Variants in ENPP3 observed in about 807,000 individuals in gnomAD.
ENPP3 encodes ectonucleotide pyrophosphatase/phosphodiesterase family member 3.
ENPP3 carries 104 observed loss-of-function variants against 117.8 expected under a neutral mutation model. That is an observed-to-expected ratio of 0.88 (90% CI 0.75 to 1.04). The LOEUF (loss-of-function observed/expected upper bound fraction) is 1.04. Ranked by LOEUF, ENPP3 falls within the 50% of genes least tolerant of loss-of-function variation. The probability of loss-of-function intolerance (pLI) is 0.00; values close to 1 mark genes in which losing one functional copy is unlikely to be tolerated. For missense variants in ENPP3, 1,026 were observed against 1,051.9 expected, an observed-to-expected ratio of 0.98 and a Z score of 0.34; for synonymous variants, 380 against 349.9, an observed-to-expected ratio of 1.09 and a Z score of -0.96.
At chr6:131,637,509 T>C in intron 1 of ENPP3, 47 bp downstream of exon 1, 1 of 1,105,712 alleles carries the variant, frequency 9.0e-7, no homozygotes, top group South Asian at 1.5e-5. Context: ...GTGACAAATG[T>C]TAAAAGTATA....
Position 131,722,316 on chromosome 6 carries a change from G to A in ENPP3, c.1657G>A (p.Ala553Thr). 1 of 1,613,988 alleles carries A rather than the reference G, an allele frequency of 6.2e-7. No individual in the cohort carries two copies. The highest frequency in any genetic ancestry group is 8.5e-7 in the Non-Finnish European group (1 of 1,179,896). ...LKVPFYEPSH[A>T]EEVSKFSVCG... The stretch of plus-strand genomic sequence containing the variant: ...GGTGCCTTTTTATGAGCCATCCCAT[G>A]CAGAGGAGGTGTCAAAGTTTTCTGT... Residue 553 changes from alanine to threonine, a missense_variant, in exon 18 of 25, where the codon GCA becomes ACA. Ala to Thr is a moderately conservative substitution (Grantham distance 58). Transcript: ENST00000357639.
At chr6:131,711,996 A>AT (rs1779800910) in intron 15 of ENPP3, among the ~76,000 whole-genome samples, 2 of 131,016 alleles carry the variant, frequency 1.5e-5, no homozygotes, top group South Asian at 4.6e-4. Flanking sequence ...CAATGCTATG[A>AT]TTTTTGCTTG....
At chr6:131,640,852 T>C (rs1778025468) in intron 1 of ENPP3, among the ~76,000 whole-genome samples, 1 of 152,208 alleles carries the variant, frequency 6.6e-6, no homozygotes. Flanking sequence ...AAGGGCTTTG[T>C]CAGCAGAGCG....
Position 131,685,593 on chromosome 6 carries a change from C to T in ENPP3, c.1252+98C>T, listed in dbSNP as rs1014578364. On this transcript the variant is annotated intron_variant, in intron 13 of 24. Transcript: ENST00000357639. The stretch of plus-strand genomic sequence containing the variant: ...GAGGAAGTTGGGGTTATCAGACCCT[C>T]TACTGACTTCTTGAGAAGACCACAG... 9 of 1,177,434 alleles carry T rather than the reference C, an allele frequency of 7.6e-6. No individual in the cohort carries two copies. In the African/African-American group the frequency reaches 1.1e-4, roughly 14 times the overall value. The allele number at this position is 1,177,434 out of a possible 1,614,324, so 72.9% of individuals were successfully genotyped here.
intron 23 of ENPP3, 24 bp from the exon 24 acceptor site, chr6:131,740,200 C>A: frequency 3.9e-6 from 6 of 1,535,912 alleles, no homozygotes; most frequent in Non-Finnish European, 5.3e-6. Context: ...AACATCAAAA[C>A]ATGTTTTCAA....
intron 24 of ENPP3, among the ~76,000 whole-genome samples, chr6:131,745,462 A>G (rs1780617109): frequency 6.6e-6 from 1 of 152,214 alleles, no homozygotes; most frequent in Non-Finnish European, 1.5e-5. Flanking sequence ...GATTAAATAA[A>G]CTTTGAAACT....
intron 24 of ENPP3, among the ~76,000 whole-genome samples, chr6:131,740,826 G>A: frequency 6.6e-6 from 1 of 152,088 alleles, no homozygotes; most frequent in East Asian, 1.9e-4. Flanking sequence ...AGCACTCAAA[G>A]TCCTCTCTTC....
intron 15 of ENPP3, among the ~76,000 whole-genome samples, chr6:131,714,806 TA>T (rs1271462186): frequency 1.3e-5 from 2 of 150,866 alleles, no homozygotes; most frequent in East Asian, 3.9e-4. Context: ...CTTAGGGTAA[TA>T]GGTTGACATC....
At chr6:131,692,088 C>G (rs775805926) in intron 14 of ENPP3, among the ~76,000 whole-genome samples, 12 of 151,668 alleles carry the variant, frequency 7.9e-5, no homozygotes, top group Non-Finnish European at 1.5e-4. Flanking sequence ...TTTTTCTTAT[C>G]TAAATTGACC....
Position 131,652,656 on chromosome 6 carries a change from G to T in ENPP3, c.392G>T (p.Ser131Ile). The change falls in exon 4 of 25, where the codon AGT becomes ATT. Residue 131 changes from serine to isoleucine, a missense_variant. Coordinates refer to ENST00000357639, the MANE Select transcript of ENPP3 (RefSeq NM_005021.5). Reference sequence around the variant, plus strand: ...AAAGATTGCTGTGCTGACTATAAGAGTGTTTGCCAAGGTGAGCAGGAGGAT... The same window carrying T: ...AAAGATTGCTGTGCTGACTATAAGATTGTTTGCCAAGGTGAGCAGGAGGAT... ...QRKDCCADYK[S>I]VCQGETSWLE... is the part of the protein sequence containing the mutation. 6.2e-7 allele frequency: 1 copy of T among 1,614,062 alleles called. No homozygotes were observed. Among genetic ancestry groups the T allele is most frequent in the South Asian group, 1.1e-5 (1 of 91,070 alleles).
chr6:131,695,221 C>G (rs975581798), intron 15 of ENPP3, among the ~76,000 whole-genome samples: 1 of 151,970 alleles, frequency 6.6e-6, no homozygotes, highest in African/African-American at 2.4e-5. Context: ...AATATATGTC[C>G]AAGTTGGGGT....
At chr6:131,691,675 A>G (rs1283684173) in intron 14 of ENPP3, among the ~76,000 whole-genome samples, 2 of 152,112 alleles carry the variant, frequency 1.3e-5, no homozygotes, top group African/African-American at 4.8e-5. Context: ...AATGCAAAGA[A>G]TCACCGGTAC....
intron 14 of ENPP3, among the ~76,000 whole-genome samples, chr6:131,691,307 G>A (rs944835808): frequency 6.6e-6 from 1 of 152,074 alleles, no homozygotes; most frequent in Admixed American, 6.6e-5. Flanking sequence ...TGTCAAAAAC[G>A]GCCGGGCGCG....
At chr6:131,701,412 C>G in intron 15 of ENPP3, 1 of 1,609,568 alleles carries the variant, frequency 6.2e-7, no homozygotes, top group Non-Finnish European at 8.5e-7. Context: ...ATCCCTATGA[C>G]AGAGGAAATC....
chr6:131,742,426 G>A (rs916495917), intron 24 of ENPP3, among the ~76,000 whole-genome samples: 14 of 152,014 alleles, frequency 9.2e-5, no homozygotes, highest in African/African-American at 3.4e-4. Context: ...TGCTATCCCT[G>A]GTCTGGGCCC....
In ENPP3 at chr6:131,684,482, C is replaced by T. The variant is rs184527730; in HGVS notation, c.1121-882C>T. Among the ~76,000 whole-genome samples the T allele has an allele frequency of 1.9e-3, 293 of 152,226 alleles. 1 individual carries two copies. Among genetic ancestry groups the T allele is most frequent in the Non-Finnish European group, 3.6e-3 (247 of 68,022 alleles). On this transcript the variant is annotated intron_variant, in intron 12 of 24. Transcript: ENST00000357639. Reference sequence around the variant, plus strand: ...ATCACCTGAGGTCAGGAGTTCGAGACCAGCCTGGCCAATATGGTGAAACCC... The same window carrying T: ...ATCACCTGAGGTCAGGAGTTCGAGATCAGCCTGGCCAATATGGTGAAACCC...
chr6:131,679,683 C>A (rs1461455722), intron 11 of ENPP3, among the ~76,000 whole-genome samples: 2 of 151,948 alleles, frequency 1.3e-5, no homozygotes, highest in Non-Finnish European at 2.9e-5. Context: ...AGGAGACTCT[C>A]CTCTGAGTGA....
intron 14 of ENPP3, among the ~76,000 whole-genome samples, chr6:131,686,388 A>G (rs1779153637): frequency 6.6e-6 from 1 of 152,206 alleles, no homozygotes; most frequent in Non-Finnish European, 1.5e-5. Flanking sequence ...GATATCTTAA[A>G]GCAATATTTT....
chr6:131,642,627 A>G (rs976006436), intron 2 of ENPP3, among the ~76,000 whole-genome samples: 1 of 152,070 alleles, frequency 6.6e-6, no homozygotes, highest in Non-Finnish European at 1.5e-5. Context: ...GGCTGAGTGC[A>G]GTGGTGTGAT....
Sources: gnomAD v4.1 joint callset for allele counts (sites outside exome capture counted in the v4.1 genomes callset) on GRCh38, gnomAD v4.1.1 for gene constraint, MANE v1.5 for transcripts, NCBI Gene and HGNC (gene_info 2026-07-23, HGNC 2026-07-21) for gene names.